The following EYS variants were observed in gnomAD, a reference collection of about 807,000 sequenced individuals.
EYS encodes EGF-like photoreceptor maintenance factor, also known as protein eyes shut homolog.
EYS carries 250 observed loss-of-function variants against 282.1 expected under a neutral mutation model. The ratio of observed to expected loss-of-function variants is 0.89; its 90% CI spans 0.80 to 0.98. EYS has a LOEUF of 0.98. Ranked by LOEUF, EYS falls within the 50% of genes least tolerant of loss-of-function variation. EYS has a pLI of 0.00. For synonymous variants in EYS, 1,355 were observed against 1,282.9 expected (o/e 1.06, Z -1.20); for missense variants, 4,016 against 3,709.0 (o/e 1.08, Z -2.15).
chr6:64,391,505 A>T (rs1282304751), intron 28 of EYS, among the ~76,000 whole-genome samples: 2 of 151,898 alleles, frequency 1.3e-5, no homozygotes, highest in Admixed American at 1.3e-4. Flanking sequence ...TCAACCCAGA[A>T]TTTCATATCC....
intron 35 of EYS, among the ~76,000 whole-genome samples, chr6:63,894,340 T>TCAGA (rs1773479575): frequency 6.6e-6 from 1 of 152,042 alleles, no homozygotes; most frequent in East Asian, 1.9e-4. Flanking sequence ...AGAGGGAACT[T>TCAGA]CAGACAGACA....
chr6:63,886,941 G>A (rs1038764477), intron 35 of EYS, among the ~76,000 whole-genome samples: 1 of 152,116 alleles, frequency 6.6e-6, no homozygotes, highest in African/African-American at 2.4e-5. Flanking sequence ...GACACAAAAG[G>A]TTGTTTTCTT....
At chr6:63,805,225 A>G (rs764756174) in intron 37 of EYS, among the ~76,000 whole-genome samples, 3 of 152,218 alleles carry the variant, frequency 2.0e-5, no homozygotes, top group Admixed American at 1.3e-4. Context: ...TTAACTGTTG[A>G]TTGCAGACTT....
intron 31 of EYS, among the ~76,000 whole-genome samples, chr6:64,191,477 T>TCCCCCCCCCC (rs552503593): frequency 7.0e-6 from 1 of 143,404 alleles, no homozygotes; most frequent in East Asian, 2.2e-4. Flanking sequence ...TGCTATCCCT[T>TCCCCCCCCCC]CCCCCCCCAC....
chr6:65,368,109 A>T (rs1764984105), intron 8 of EYS, among the ~76,000 whole-genome samples: 2 of 151,384 alleles, frequency 1.3e-5, no homozygotes, highest in Non-Finnish European at 2.9e-5. Flanking sequence ...AAGGGCAAAA[A>T]AGCTCCTTAA....
Position 63,966,020 on chromosome 6 carries a change from AG to A in EYS, c.7055+18362del, listed in dbSNP as rs201916191. Among the ~76,000 whole-genome samples the A allele has an allele frequency of 1.2e-3, 182 of 152,328 alleles. 6 individuals carry two copies. The East Asian group carries it at 0.031, about 26-fold the overall frequency. ...CCTCAGTTTCATTATTTTATAACAT[AG>A]GGGTTGCAATGTCTATTTTTAAAAT... On this transcript the variant is annotated intron_variant, in intron 35 of 42. Coordinates refer to ENST00000503581, the MANE Select transcript of EYS (RefSeq NM_001142800.2).
At chr6:64,763,142 C>T (rs1021968470) in intron 22 of EYS, among the ~76,000 whole-genome samples, 1 of 151,866 alleles carries the variant, frequency 6.6e-6, no homozygotes, top group Non-Finnish European at 1.5e-5. Context: ...TTAAATATTA[C>T]CACAGGAATA....
intron 26 of EYS, among the ~76,000 whole-genome samples, chr6:64,465,581 C>T (rs186665822): frequency 6.6e-6 from 1 of 151,882 alleles, no homozygotes. Context: ...TACATCACAC[C>T]ATGTAATTAA....
chr6:64,531,525 T>C (rs1479233669), intron 26 of EYS, among the ~76,000 whole-genome samples: 3 of 146,938 alleles, frequency 2.0e-5, no homozygotes, highest in African/African-American at 7.3e-5. Context: ...TATCTGGGAC[T>C]GCAAGTGCCC....
rs183644699 is a variant in EYS, at chr6:65,629,605, C to T, written c.-333+10173G>A. Among the ~76,000 whole-genome samples, 4 of 152,286 alleles carry T rather than the reference C, an allele frequency of 2.6e-5. No individual in the cohort carries two copies. In the East Asian group the frequency reaches 7.7e-4, roughly 29 times the overall value. ...CCCTGTCTCATGACTGCACCCTGCA[C>T]TCTTCAACTAATCAACAATCTCCAC... On this transcript the variant is annotated intron_variant, in intron 2 of 42. Coordinates refer to ENST00000503581, the MANE Select transcript of EYS (RefSeq NM_001142800.2).
At chr6:64,801,297 A>G (rs1774544313) in intron 22 of EYS, among the ~76,000 whole-genome samples, 1 of 152,120 alleles carries the variant, frequency 6.6e-6, no homozygotes. Flanking sequence ...AAGAAAACAT[A>G]AGTGTTTATA....
intron 13 of EYS, among the ~76,000 whole-genome samples, chr6:65,010,424 C>T (rs902838339): frequency 2.6e-5 from 4 of 152,190 alleles, no homozygotes; most frequent in East Asian, 1.9e-4. Flanking sequence ...GCTGCGACTG[C>T]GCACTTGTGC....
chr6:64,306,328 T>A (rs931104844), intron 30 of EYS, among the ~76,000 whole-genome samples: 1 of 152,138 alleles, frequency 6.6e-6, no homozygotes, highest in Non-Finnish European at 1.5e-5. Context: ...GCTATCTTAC[T>A]TCTGCGTTTC....
chr6:65,049,018 T>C (rs1179640832), intron 13 of EYS, among the ~76,000 whole-genome samples: 1 of 151,886 alleles, frequency 6.6e-6, no homozygotes, highest in African/African-American at 2.4e-5. Context: ...CCACATGAGA[T>C]GATAGATGTG....
intron 5 of EYS, among the ~76,000 whole-genome samples, chr6:65,421,640 C>T (rs2150377354): frequency 6.6e-6 from 1 of 152,028 alleles, no homozygotes; most frequent in South Asian, 2.1e-4. Flanking sequence ...ACATGATTTC[C>T]TCATTAAGCT....
At chr6:65,383,905 T>C (rs1765707154) in intron 8 of EYS, among the ~76,000 whole-genome samples, 1 of 151,916 alleles carries the variant, frequency 6.6e-6, no homozygotes, top group African/African-American at 2.4e-5. Context: ...AGTAAATATC[T>C]GATAATTTCT....
At chr6:63,991,571 A>G (rs1218101903) in intron 34 of EYS, among the ~76,000 whole-genome samples, 2 of 151,622 alleles carry the variant, frequency 1.3e-5, no homozygotes, top group African/African-American at 4.8e-5. Flanking sequence ...TTAAAAATTC[A>G]TTACAGAATT....
At chr6:64,702,322 C>G (rs1465533607) in intron 22 of EYS, among the ~76,000 whole-genome samples, 4 of 151,976 alleles carry the variant, frequency 2.6e-5, no homozygotes, top group Non-Finnish European at 5.9e-5. Context: ...AGTTAAAAGA[C>G]AAGAATGTAT....
At chr6:64,061,750 AG>A (rs1170750365) in intron 33 of EYS, among the ~76,000 whole-genome samples, 1 of 152,072 alleles carries the variant, frequency 6.6e-6, no homozygotes, top group African/African-American at 2.4e-5. Flanking sequence ...GTACTTTAGG[AG>A]GGCCGTGGAG....
Sources: allele counts gnomAD v4.1 joint callset (sites outside exome capture counted in the v4.1 genomes callset), GRCh38; gene constraint gnomAD v4.1.1; transcripts MANE v1.5; gene names NCBI Gene and HGNC (gene_info 2026-07-23, HGNC 2026-07-21).